The following WDTC1 variants were observed in gnomAD, a reference collection of about 807,000 sequenced individuals.
WDTC1 encodes the protein WD and tetratricopeptide repeats 1, also known as WD and tetratricopeptide repeats protein 1.
WDTC1 carries 12 observed loss-of-function variants against 76.0 expected under a neutral mutation model. The observed-to-expected ratio is 0.16, with a 90% CI of 0.10 to 0.26. WDTC1 has a LOEUF of 0.26. WDTC1 is among the 10% of genes least tolerant of loss of function. WDTC1 has a pLI of 1.00. For missense variants in WDTC1, 511 were observed against 908.8 expected (o/e 0.56, Z 5.63); for synonymous variants, 326 against 350.8 (o/e 0.93, Z 0.79).
upstream of WDTC1, chr1:27,234,623 C>G (rs2011446052): frequency 2.5e-6 from 1 of 393,122 alleles, no homozygotes; most frequent in African/African-American, 2.1e-5. Context: ...GTGGCGCAGG[C>G]GCGTTGCTGG....
chr1:27,241,579 T>C (rs2011631609), intron 1 of WDTC1, among the ~76,000 whole-genome samples: 1 of 152,296 alleles, frequency 6.6e-6, no homozygotes, highest in South Asian at 2.1e-4. Flanking sequence ...TTAGTTTTCC[T>C]TGACCTTGCA....
At chr1:27,241,037 G>A (rs978789373) in intron 1 of WDTC1, among the ~76,000 whole-genome samples, 2 of 151,836 alleles carry the variant, frequency 1.3e-5, no homozygotes, top group Non-Finnish European at 2.9e-5. Flanking sequence ...AGGCCAGAGT[G>A]TATAGGAGGC....
At chr1:27,247,179 C>CT (rs1455837808) in intron 1 of WDTC1, among the ~76,000 whole-genome samples, 1 of 151,924 alleles carries the variant, frequency 6.6e-6, no homozygotes, top group Non-Finnish European at 1.5e-5. Context: ...GCCTCAGCCT[C>CT]TCGAGTAGCT....
At chr1:27,297,189 C>T in intron 11 of WDTC1, 33 bp downstream of exon 11, 1 of 1,550,282 alleles carries the variant, frequency 6.5e-7, no homozygotes, top group Non-Finnish European at 8.8e-7. Context: ...GCCCTCCAAG[C>T]CCCAGTTACA....
In WDTC1 at chr1:27,234,960, C is replaced by T. The variant is rs1487362124; in HGVS notation, c.-100+9C>T. On this transcript the variant is annotated intron_variant, in intron 1 of 15. Coordinates refer to ENST00000319394, the MANE Select transcript of WDTC1 (RefSeq NM_001276252.2). ...GGGAAGAGACCTGACAGGTACGGGT[C>T]ACCGCCGCCCCCTGCCCTCCGCGGG... is the stretch of plus-strand genomic sequence containing the variant. 1 of 389,880 alleles carries T rather than the reference C, an allele frequency of 2.6e-6. No homozygotes were observed. The highest frequency in any genetic ancestry group is 2.1e-5 in the African/African-American group (1 of 48,196). The allele number at this position is 389,880 out of a possible 1,614,324, so 24.2% of individuals were successfully genotyped here.
intron 1 of WDTC1, among the ~76,000 whole-genome samples, chr1:27,253,699 A>G (rs2012177770): frequency 6.6e-6 from 1 of 151,860 alleles, no homozygotes; most frequent in South Asian, 2.1e-4. Flanking sequence ...AGACATTGAA[A>G]ATTTTATTTT....
intron 2 of WDTC1, among the ~76,000 whole-genome samples, chr1:27,262,511 C>T (rs2012513979): frequency 6.6e-6 from 1 of 152,116 alleles, no homozygotes; most frequent in Non-Finnish European, 1.5e-5. Flanking sequence ...GCCTCAGCCT[C>T]CCGAGTAGCT....
chr1:27,289,867 C>G (rs1305260167), intron 6 of WDTC1, among the ~76,000 whole-genome samples: 1 of 152,092 alleles, frequency 6.6e-6, no homozygotes, highest in Non-Finnish European at 1.5e-5. Flanking sequence ...CGCCTGCAAT[C>G]GCAGGCACTC....
chr1:27,280,606 G>A (rs923238836), intron 3 of WDTC1, among the ~76,000 whole-genome samples: 2 of 152,224 alleles, frequency 1.3e-5, no homozygotes, highest in South Asian at 2.1e-4. Flanking sequence ...TTTTTAAGAA[G>A]TTAGAGAGAA....
At chr1:27,243,609 T>A (rs1265008732) in intron 1 of WDTC1, among the ~76,000 whole-genome samples, 1 of 152,180 alleles carries the variant, frequency 6.6e-6, no homozygotes, top group Non-Finnish European at 1.5e-5. Flanking sequence ...GCAACTTCAC[T>A]TTTCTGTGCC....
At chr1:27,243,804 T>TA (rs2011712693) in intron 1 of WDTC1, among the ~76,000 whole-genome samples, 1 of 151,972 alleles carries the variant, frequency 6.6e-6, no homozygotes, top group South Asian at 2.1e-4. Flanking sequence ...AGGTAGGTAT[T>TA]ATCAGATTAG....
At chr1:27,262,245 A>G (rs957686288) in intron 2 of WDTC1, among the ~76,000 whole-genome samples, 1 of 151,786 alleles carries the variant, frequency 6.6e-6, no homozygotes, top group Non-Finnish European at 1.5e-5. Flanking sequence ...ATTTTTAACT[A>G]AAAATTTTTA....
intron 6 of WDTC1, 26 bp from the exon 7 acceptor site, chr1:27,292,189 T>A (rs374986744): frequency 3.4e-6 from 5 of 1,490,840 alleles, no homozygotes; most frequent in Admixed American, 4.3e-5. Flanking sequence ...CAAGCCCCAA[T>A]TCCCTAACTC....
At chr1:27,247,137 A>C (rs192307291) in intron 1 of WDTC1, among the ~76,000 whole-genome samples, 1 of 151,368 alleles carries the variant, frequency 6.6e-6, no homozygotes, top group Admixed American at 6.6e-5. Flanking sequence ...GCTCACTGCA[A>C]CCTCTGCCTC....
chr1:27,282,648 A>G, intron 4 of WDTC1, among the ~76,000 whole-genome samples: 1 of 151,832 alleles, frequency 6.6e-6, no homozygotes, highest in Non-Finnish European at 1.5e-5. Flanking sequence ...GACTACAGGC[A>G]TGCGCCACCA....
At chr1:27,261,147 TC>T (rs1441429773) in intron 2 of WDTC1, 45 bp downstream of exon 2, 4 of 1,610,114 alleles carry the variant, frequency 2.5e-6, no homozygotes. Context: ...ATCTTTTCTT[TC>T]CCACAGATTG....
At position 27,294,498 on chromosome 1, in the gene WDTC1, G is replaced by T. The variant is rs747476936; in HGVS notation, c.758-16G>T. On this transcript the variant is annotated splice_polypyrimidine_tract_variant and intron_variant, in intron 8 of 15. Transcript: ENST00000319394. ...AAGGGACTGGGACCCTAGTATGACT[G>T]GGCTATTCCCTGCAGGTCACCTGCC... The T allele has an allele frequency of 6.8e-6, 11 of 1,611,944 alleles. No homozygotes were observed. The highest frequency in any genetic ancestry group is 1.3e-5 in the African/African-American group (1 of 74,994).
intron 1 of WDTC1, among the ~76,000 whole-genome samples, chr1:27,251,767 T>C (rs2012071038): frequency 2.6e-5 from 4 of 151,230 alleles, no homozygotes. Flanking sequence ...TTCAAGGTTA[T>C]AGTATGCTAT....
Position 27,303,865 on chromosome 1 carries a change from T to A in WDTC1, c.1643+70T>A. On this transcript the variant is annotated intron_variant, in intron 14 of 15. Transcript: ENST00000319394. This position sits in a 1 kb window ranked among gnomAD's most constrained non-coding sequence, Gnocchi z 4.8. The stretch of plus-strand genomic sequence containing the variant: ...AGGTTGAGTGGGGAGTGTTGGGGCA[T>A]AATGGTTTCAGAGAAGAATCTCAAA... The A allele has an allele frequency of 1.3e-6, 2 of 1,579,242 alleles. No individual in the cohort carries two copies. Among genetic ancestry groups the A allele is most frequent in the Non-Finnish European group, 1.7e-6 (2 of 1,160,690 alleles).
Sources: gnomAD v4.1 joint callset for allele counts (sites outside exome capture counted in the v4.1 genomes callset) on GRCh38, gnomAD v4.1.1 for gene constraint, Gnocchi (gnomAD v3.1) non-coding constraint, MANE v1.5 for transcripts, NCBI Gene and HGNC (gene_info 2026-07-23, HGNC 2026-07-21) for gene names.